The following THRB variants were observed in gnomAD, a reference collection of about 807,000 sequenced individuals.
THRB encodes thyroid hormone receptor beta.
In THRB, 12 loss-of-function variants were observed where a neutral mutation model predicts 47.8. The observed-to-expected ratio is 0.25, with a 90% confidence interval of 0.16 to 0.41. THRB has a LOEUF of 0.41. THRB is among the 10% of genes least tolerant of loss of function. THRB has a pLI of 1.00. For synonymous variants in THRB, 218 were observed against 212.2 expected (o/e 1.03, Z -0.24); for missense variants, 348 against 589.2 (o/e 0.59, Z 4.24).
intron 1 of THRB, among the ~76,000 whole-genome samples, chr3:24,416,235 A>G (rs1357234695): frequency 6.6e-6 from 1 of 151,858 alleles, no homozygotes; most frequent in Non-Finnish European, 1.5e-5. Flanking sequence ...CAGGGATACA[A>G]GTTTAGAAGA....
At chr3:24,138,141 C>G (rs1024497496) in intron 8 of THRB, among the ~76,000 whole-genome samples, 1 of 152,038 alleles carries the variant, frequency 6.6e-6, no homozygotes, top group African/African-American at 2.4e-5. Flanking sequence ...GAAACGCTGC[C>G]AGCTGACCTC....
intron 5 of THRB, among the ~76,000 whole-genome samples, chr3:24,183,871 T>C (rs1460770180): frequency 6.6e-6 from 1 of 152,154 alleles, no homozygotes; most frequent in Non-Finnish European, 1.5e-5. Flanking sequence ...AAGCATATGA[T>C]AATAACATTA....
intron 1 of THRB, among the ~76,000 whole-genome samples, chr3:24,381,101 G>A (rs1477227046): frequency 8.6e-5 from 12 of 139,628 alleles, no homozygotes; most frequent in South Asian, 2.3e-4. Flanking sequence ...GTGACAGAGT[G>A]AGACTCTGCC....
At chr3:24,311,844 A>G (rs1156549140) in intron 2 of THRB, among the ~76,000 whole-genome samples, 1 of 152,192 alleles carries the variant, frequency 6.6e-6, no homozygotes, top group Admixed American at 6.5e-5. Context: ...GCTGTCTACA[A>G]CACGTATGTA....
intron 3 of THRB, among the ~76,000 whole-genome samples, chr3:24,232,122 C>A (rs2048320103): frequency 2.0e-5 from 3 of 152,154 alleles, no homozygotes; most frequent in Admixed American, 2.0e-4. Flanking sequence ...AGTCGATGGT[C>A]CTTTAACTGC....
chr3:24,440,210 T>G (rs2071395412), intron 1 of THRB, among the ~76,000 whole-genome samples: 1 of 152,206 alleles, frequency 6.6e-6, no homozygotes, highest in African/African-American at 2.4e-5. Flanking sequence ...GTTCCATCAT[T>G]CCAATTTGAA....
At chr3:24,388,911 C>T (rs2066340135) in intron 1 of THRB, among the ~76,000 whole-genome samples, 1 of 152,134 alleles carries the variant, frequency 6.6e-6, no homozygotes, top group Admixed American at 6.6e-5. Context: ...GGTAGCTCTA[C>T]CCTAGCAGAT....
intron 1 of THRB, among the ~76,000 whole-genome samples, chr3:24,454,130 T>C (rs975311440): frequency 2.0e-5 from 3 of 152,176 alleles, no homozygotes; most frequent in Non-Finnish European, 4.4e-5. Flanking sequence ...AAAGGCAAGA[T>C]AATTTAAAAA....
intron 5 of THRB, among the ~76,000 whole-genome samples, chr3:24,177,022 AT>A (rs890932057): frequency 2.6e-5 from 4 of 152,318 alleles, no homozygotes; most frequent in African/African-American, 9.6e-5. Context: ...GATTCTCAAA[AT>A]AAAATAAAGT....
intron 1 of THRB, among the ~76,000 whole-genome samples, chr3:24,340,378 C>G (rs766257878): frequency 1.6e-4 from 24 of 152,020 alleles, no homozygotes; most frequent in Non-Finnish European, 3.1e-4. Context: ...TCCTCCTCTT[C>G]CTCCTCCTCT....
At chr3:24,190,715 T>G (rs571967706) in intron 4 of THRB, among the ~76,000 whole-genome samples, 15 of 152,154 alleles carry the variant, frequency 9.9e-5, no homozygotes, top group African/African-American at 3.6e-4. Flanking sequence ...TGAACACTTT[T>G]CAGATCCTTA....
intron 3 of THRB, among the ~76,000 whole-genome samples, chr3:24,263,266 G>C (rs531432638): frequency 6.6e-6 from 1 of 152,140 alleles, no homozygotes; most frequent in South Asian, 2.1e-4. Context: ...TGTACCGAAT[G>C]TGTATGCCAG....
chr3:24,162,201 GA>G (rs1408533198), intron 5 of THRB, among the ~76,000 whole-genome samples: 4 of 149,564 alleles, frequency 2.7e-5, no homozygotes, highest in African/African-American at 9.9e-5. Context: ...AAAGAAAAGA[GA>G]AAAAAAAGTC....
At chr3:24,375,244 T>C (rs1666278269) in intron 1 of THRB, among the ~76,000 whole-genome samples, 1 of 150,654 alleles carries the variant, frequency 6.6e-6, no homozygotes, top group Non-Finnish European at 1.5e-5. Flanking sequence ...ATTTGGCTGC[T>C]TTGTTGTAAC....
chr3:24,404,514 A>G (rs1187159951), intron 1 of THRB, among the ~76,000 whole-genome samples: 1 of 151,980 alleles, frequency 6.6e-6, no homozygotes, highest in Non-Finnish European at 1.5e-5. Context: ...CAAAATGAGA[A>G]TAGATATGAG....
chr3:24,122,417 G>C lies in THRB; in HGVS notation c.*467C>G, dbSNP rs989517199. 9.3e-6 allele frequency: 2 copies of C among 214,476 alleles called. No homozygotes were observed. Among genetic ancestry groups the C allele is most frequent in the Non-Finnish European group, 1.9e-5 (2 of 105,776 alleles). The allele number at this position is 214,476 out of a possible 1,614,324, so 13.3% of individuals were successfully genotyped here. On this transcript the variant is annotated 3_prime_UTR_variant, in exon 11 of 11. Coordinates refer to ENST00000646209, the MANE Select transcript of THRB (RefSeq NM_001354712.2). ...CTCTTGAATAGATGAAAATTTGTTCGAGTCTTTCCCTAAAAGGCTGAAAGC... is the reference window on the plus strand; with the variant it reads ...CTCTTGAATAGATGAAAATTTGTTCCAGTCTTTCCCTAAAAGGCTGAAAGC...
At chr3:24,254,830 T>TAACC in intron 3 of THRB, among the ~76,000 whole-genome samples, 1 of 152,350 alleles carries the variant, frequency 6.6e-6, no homozygotes, top group African/African-American at 2.4e-5. Context: ...ACCAATGACT[T>TAACC]AGTTTCTGTG....
chr3:24,269,395 G>GCA lies in THRB; in HGVS notation c.-43+27830_-43+27831insTG, dbSNP rs1198991438. Reference sequence around the variant, plus strand: ...AGCTCATCATAGCTCACACGCGCGCGCGCGCGCGCACACACACACACACAC... The same window carrying GCA: ...AGCTCATCATAGCTCACACGCGCGCGCACGCGCGCGCACACACACACACACAC... On this transcript the variant is annotated intron_variant, in intron 3 of 10. Coordinates refer to ENST00000646209, the MANE Select transcript of THRB (RefSeq NM_001354712.2). Among the ~76,000 whole-genome samples the GCA allele has an allele frequency of 9.2e-5, 9 of 97,782 alleles. 1 individual carries two copies. Among genetic ancestry groups the GCA allele is most frequent in the Admixed American group, 3.1e-4 (3 of 9,556 alleles). 64.1% of individuals were successfully genotyped at this position (97,782 alleles called of 152,430 possible). A position where few individuals can be genotyped will look rare whatever the true frequency, so the allele number is the denominator to read the frequency against.
At chr3:24,142,673 C>T (rs1315726066) in intron 8 of THRB, among the ~76,000 whole-genome samples, 1 of 152,202 alleles carries the variant, frequency 6.6e-6, no homozygotes, top group Non-Finnish European at 1.5e-5. Flanking sequence ...TGGTCCAGCA[C>T]TAGTAGGGCA....
Sources: gnomAD v4.1 joint callset for allele counts (sites outside exome capture counted in the v4.1 genomes callset) on GRCh38, gnomAD v4.1.1 for gene constraint, MANE v1.5 for transcripts, NCBI Gene and HGNC (gene_info 2026-07-23, HGNC 2026-07-21) for gene names.